The following ZRANB1 variants were observed in gnomAD, a reference collection of about 807,000 sequenced individuals.
ZRANB1 encodes the protein ubiquitin thioesterase ZRANB1.
A neutral mutation model predicts 80.5 loss-of-function variants in ZRANB1; 16 were observed. That is an observed-to-expected ratio of 0.20 (90% CI 0.13 to 0.30). ZRANB1 has a LOEUF of 0.30. ZRANB1 is among the 10% of genes least tolerant of loss of function. ZRANB1 has a pLI of 1.00. For missense variants in ZRANB1, 576 were observed against 862.6 expected, an observed-to-expected ratio of 0.67 and a Z score of 4.16; for synonymous variants, 291 against 293.1, an observed-to-expected ratio of 0.99 and a Z score of 0.07.
Position 124,985,202 on chromosome 10 carries a change from TA to T in ZRANB1, c.*218del. 2.2e-6 allele frequency: 1 copy of T among 464,220 alleles called. No individual in the cohort carries two copies. Among genetic ancestry groups the T allele is most frequent in the Non-Finnish European group, 3.8e-6 (1 of 263,864 alleles). 28.8% of individuals were successfully genotyped at this position (464,220 alleles called of 1,614,324 possible). ...AGAACTTTAGTTGGACTACAGTTTG[TA>T]AAAAAAACTAATTTTATTAAGACAG... On this transcript the variant is annotated 3_prime_UTR_variant, in exon 9 of 9. Coordinates refer to ENST00000359653, the MANE Select transcript of ZRANB1 (RefSeq NM_017580.3).
chr10:124,960,795 G>A (rs912350067), intron 1 of ZRANB1, among the ~76,000 whole-genome samples: 21 of 152,126 alleles, frequency 1.4e-4, no homozygotes, highest in South Asian at 4.2e-4. Flanking sequence ...AGTTTCTCTC[G>A]GCCTACCTGA....
At chr10:124,963,703 G>A (rs961640638) in intron 1 of ZRANB1, among the ~76,000 whole-genome samples, 18 of 151,790 alleles carry the variant, frequency 1.2e-4, no homozygotes, top group Admixed American at 4.6e-4. Flanking sequence ...CAACAAAAAC[G>A]TGTCTATGAA....
At chr10:124,937,955 A>C (rs538852137), upstream of ZRANB1, among the ~76,000 whole-genome samples, 1 of 152,272 alleles carries the variant, frequency 6.6e-6, no homozygotes, top group South Asian at 2.1e-4. Flanking sequence ...GAAGGCCTAG[A>C]TTATGTTGAT....
intron 1 of ZRANB1, among the ~76,000 whole-genome samples, chr10:124,966,123 A>G (rs981657984): frequency 6.6e-6 from 1 of 152,176 alleles, no homozygotes; most frequent in Non-Finnish European, 1.5e-5. Context: ...AAAGAGCAGT[A>G]TGGAAAGCTC....
the ZRANB1 span, among the ~76,000 whole-genome samples, chr10:124,934,072 T>C: frequency 2.6e-5 from 4 of 152,248 alleles, no homozygotes; most frequent in Admixed American, 6.5e-5. Context: ...TTTTTTCTAA[T>C]GTATCCTTGA....
At chr10:124,922,257 TAA>T in the ZRANB1 span, among the ~76,000 whole-genome samples, 6 of 110,670 alleles carry the variant, frequency 5.4e-5, no homozygotes, top group African/African-American at 2.1e-4. Context: ...TATATATATG[TAA>T]AATATATATA....
Position 124,985,507 on chromosome 10 carries a change from A to T in ZRANB1, c.*515A>T, listed in dbSNP as rs1564971308. ...GATTATCCACAGCAAAACAAAAATA[A>T]GCTTTTATTTTATTAATAATTTCGT... On this transcript the variant is annotated 3_prime_UTR_variant, in exon 9 of 9. Transcript: ENST00000359653. 1 of 152,808 alleles carries T rather than the reference A, an allele frequency of 6.5e-6. No individual in the cohort carries two copies. The highest frequency in any genetic ancestry group is 6.5e-5 in the Admixed American group (1 of 15,292). 9.5% of individuals were successfully genotyped at this position (152,808 alleles called of 1,614,324 possible). A position where few individuals can be genotyped will look rare whatever the true frequency, so the allele number is the denominator to read the frequency against.
intron 2 of ZRANB1, 68 bp from the exon 3 acceptor site, chr10:124,971,897 A>C (rs1951829305): frequency 7.1e-7 from 1 of 1,415,672 alleles, no homozygotes; most frequent in African/African-American, 1.5e-5. Context: ...GATTTCTTTT[A>C]AATACTGTTG....
intron 1 of ZRANB1, among the ~76,000 whole-genome samples, chr10:124,953,243 T>G (rs1453263792): frequency 6.6e-6 from 1 of 152,128 alleles, no homozygotes; most frequent in Non-Finnish European, 1.5e-5. Flanking sequence ...AATACCTTAA[T>G]TTGACAATTT....
chr10:124,976,513 G>T (rs1378864069), intron 5 of ZRANB1, among the ~76,000 whole-genome samples: 9 of 151,032 alleles, frequency 6.0e-5, no homozygotes, highest in Non-Finnish European at 1.3e-4. Context: ...CTACCACTTT[G>T]CAGGTTCTCT....
At chr10:124,937,675 G>T (rs759177763), upstream of ZRANB1, among the ~76,000 whole-genome samples, 1 of 152,090 alleles carries the variant, frequency 6.6e-6, no homozygotes, top group Non-Finnish European at 1.5e-5. Flanking sequence ...CCTTTCCCCC[G>T]CCTGCTATTA....
At chr10:124,961,180 A>G (rs1011041285) in intron 1 of ZRANB1, among the ~76,000 whole-genome samples, 2 of 151,602 alleles carry the variant, frequency 1.3e-5, no homozygotes, top group Non-Finnish European at 2.9e-5. Flanking sequence ...TTTTTTTTGT[A>G]TTTTGAGTAG....
chr10:124,976,565 CTTTTTTTTTTTTTTT>C (rs138858881), intron 5 of ZRANB1, among the ~76,000 whole-genome samples: 3 of 75,710 alleles, frequency 4.0e-5, no homozygotes, highest in Non-Finnish European at 7.6e-5. Context: ...TGGTAATTTC[CTTTTTTTTTTTTTTT>C]TTTTTTTTTG....
At chr10:124,948,160 AGAT>A (rs1033318417) in intron 1 of ZRANB1, among the ~76,000 whole-genome samples, 1 of 152,108 alleles carries the variant, frequency 6.6e-6, no homozygotes, top group Non-Finnish European at 1.5e-5. Context: ...CTCAAGGTGA[AGAT>A]GATGATGATG....
Position 124,942,503 on chromosome 10 carries a change from C to G in ZRANB1, c.10C>G (p.Arg4Gly). Residue 4 changes from arginine (R) to glycine (G), a missense_variant, in exon 1 of 9, where the codon CGT becomes GGT. Physicochemically the swap from Arg to Gly is moderately radical, Grantham distance 125. Around this residue, in one of 3 missense-constraint regions of ZRANB1, gnomAD observed 411 missense variants for 583.1 expected, o/e 0.70. Transcript: ENST00000359653. MSE[R>G]GIKWACEYCT... ...CTTCAAGAAGTGCACAATGTCAGAA[C>G]GTGGAATTAAGTGGGCTTGTGAATA... The G allele has an allele frequency of 6.2e-7, 1 of 1,614,088 alleles. No homozygotes were observed. The highest frequency in any genetic ancestry group is 8.5e-7 in the Non-Finnish European group (1 of 1,180,026).
At chr10:124,936,867 A>G in the ZRANB1 span, among the ~76,000 whole-genome samples, 1 of 152,192 alleles carries the variant, frequency 6.6e-6, no homozygotes, top group African/African-American at 2.4e-5. Context: ...AAATCTCCGC[A>G]GATTTATATT....
chr10:124,976,191 G>T (rs781335750), intron 5 of ZRANB1, among the ~76,000 whole-genome samples: 1 of 152,218 alleles, frequency 6.6e-6, no homozygotes, highest in African/African-American at 2.4e-5. Flanking sequence ...TCTTAGTGGA[G>T]ATGGCTGTCT....
At chr10:124,926,104 A>C in the ZRANB1 span, among the ~76,000 whole-genome samples, 1 of 152,244 alleles carries the variant, frequency 6.6e-6, no homozygotes, top group African/African-American at 2.4e-5. Flanking sequence ...AAGATAAAAA[A>C]TGGTACACCT....
At position 124,984,873 on chromosome 10, in the gene ZRANB1, C is replaced by T. The variant is rs189374953; in HGVS notation, c.2008C>T (p.Arg670Trp). 7.9e-5 allele frequency: 128 copies of T among 1,613,798 alleles called. No individual in the cohort carries two copies. Among genetic ancestry groups the T allele is most frequent in the Non-Finnish European group, 1.0e-4 (120 of 1,179,982 alleles). The change falls in exon 9 of 9, where the codon CGG (arginine) becomes TGG (tryptophan). Residue 670 changes from arginine (R) to tryptophan (W), a missense_variant. By Grantham distance (101) the Arg-to-Trp change is moderately radical. Transcript: ENST00000359653. ...VLVAMQKSSRRRNHPLVTQMV... is the reference protein window; with the variant it reads ...VLVAMQKSSRWRNHPLVTQMV... ...GGTTGCCATGCAGAAGAGTTCTCGGCGGCGAAATCACCCCCTGGTCACTCA... is the reference window on the plus strand; with the variant it reads ...GGTTGCCATGCAGAAGAGTTCTCGGTGGCGAAATCACCCCCTGGTCACTCA...
Sources: allele counts gnomAD v4.1 joint callset (sites outside exome capture counted in the v4.1 genomes callset), GRCh38; gene constraint gnomAD v4.1.1; regional missense constraint gnomAD v4.1.1; transcripts MANE v1.5; gene names NCBI Gene and HGNC (gene_info 2026-07-23, HGNC 2026-07-21).